Variants in KIF26B observed in about 807,000 individuals in gnomAD.
KIF26B encodes the protein kinesin-like protein KIF26B.
In KIF26B, 63 loss-of-function variants were observed where a neutral mutation model predicts 151.2. The observed-to-expected ratio is 0.42, with a 90% CI of 0.34 to 0.51. KIF26B has a LOEUF of 0.51. KIF26B is among the 20% of genes least tolerant of loss of function. The pLI, the probability that KIF26B is intolerant of heterozygous loss-of-function variation, is 0.07. For synonymous variants in KIF26B, 1,357 were observed against 1,262.1 expected (o/e 1.08, Z -1.59); for missense variants, 2,813 against 2,913.6 (o/e 0.97, Z 0.79).
chr1:245,412,023 T>G (rs1674299242), intron 3 of KIF26B, among the ~76,000 whole-genome samples: 1 of 152,222 alleles, frequency 6.6e-6, no homozygotes. Flanking sequence ...ACTTTCATAA[T>G]TTATATTTTA....
At chr1:245,640,501 C>T (rs890833379) in intron 9 of KIF26B, among the ~76,000 whole-genome samples, 1 of 151,868 alleles carries the variant, frequency 6.6e-6, no homozygotes, top group African/African-American at 2.4e-5. Context: ...AGAATTTAGT[C>T]CATATACATT....
At chr1:245,440,031 C>G (rs1442837057) in intron 4 of KIF26B, among the ~76,000 whole-genome samples, 2 of 152,106 alleles carry the variant, frequency 1.3e-5, no homozygotes, top group African/African-American at 4.8e-5. Flanking sequence ...ACCATCCTGG[C>G]TAACACGGTG....
intron 6 of KIF26B, among the ~76,000 whole-genome samples, chr1:245,603,058 G>T (rs1000096248): frequency 2.0e-5 from 3 of 151,838 alleles, no homozygotes; most frequent in Non-Finnish European, 4.4e-5. Flanking sequence ...GAAGCAGGAA[G>T]ATAACAGAAA....
chr1:245,395,576 C>T (rs1310892714), intron 3 of KIF26B, among the ~76,000 whole-genome samples: 2 of 152,086 alleles, frequency 1.3e-5, no homozygotes, highest in Non-Finnish European at 2.9e-5. Flanking sequence ...TGAGCCCAAG[C>T]GTGTGCCAGG....
intron 10 of KIF26B, among the ~76,000 whole-genome samples, chr1:245,672,452 A>G (rs2147942101): frequency 6.6e-6 from 1 of 152,338 alleles, no homozygotes; most frequent in Admixed American, 6.5e-5. Context: ...ATCCCTCCGG[A>G]CAGGGTGATG....
chr1:245,190,629 G>GTTTTTTTTTTTTTTTT lies in KIF26B; in HGVS notation c.465+33950_465+33951insTTTTTTTTTTTTTTTT, dbSNP rs768099890. On this transcript the variant is annotated intron_variant, in intron 2 of 14. Transcript: ENST00000407071. The stretch of plus-strand genomic sequence containing the variant: ...CTTTTCCTATAAGTTTTCCCTGAAT[G>GTTTTTTTTTTTTTTTT]TTTTGTTTTGTTTTTTTTTTTTTTT... Among the ~76,000 whole-genome samples the GTTTTTTTTTTTTTTTT allele has an allele frequency of 2.0e-4, 16 of 80,076 alleles. 1 individual carries two copies. The highest frequency in any genetic ancestry group is 6.8e-4 in the African/African-American group (16 of 23,682). The allele number at this position is 80,076 out of a possible 152,430, so 52.5% of individuals were successfully genotyped here. A position where few individuals can be genotyped will look rare whatever the true frequency, so the allele number is the denominator to read the frequency against.
Position 245,389,554 on chromosome 1 carries a change from C to T in KIF26B, c.999+22187C>T, listed in dbSNP as rs188837801. ...TAATAGGGATCCATAGCTTATAATG[C>T]ATCAACATTAAAAATGAAATTATAT... is the stretch of plus-strand genomic sequence containing the variant. On this transcript the variant is annotated intron_variant, in intron 3 of 14. Coordinates refer to ENST00000407071, the MANE Select transcript of KIF26B (RefSeq NM_018012.4). Among the ~76,000 whole-genome samples the T allele has an allele frequency of 3.3e-5, 5 of 152,276 alleles. No homozygotes were observed. In the East Asian group the frequency reaches 9.6e-4, roughly 29 times the overall value.
intron 2 of KIF26B, among the ~76,000 whole-genome samples, chr1:245,310,932 T>C (rs748100484): frequency 2.6e-5 from 4 of 152,120 alleles, no homozygotes; most frequent in Non-Finnish European, 4.4e-5. Flanking sequence ...AGCTCCCAAG[T>C]ATCAGAGCAG....
At chr1:245,640,143 C>CTATATATATATATATA (rs1166040223) in intron 9 of KIF26B, among the ~76,000 whole-genome samples, 3 of 31,916 alleles carry the variant, frequency 9.4e-5, no homozygotes, top group African/African-American at 2.8e-4. Context: ...CTCTCTCTCT[C>CTATATATATATATATA]TATATATATA....
At chr1:245,418,925 T>A (rs1658391190) in intron 3 of KIF26B, among the ~76,000 whole-genome samples, 1 of 152,216 alleles carries the variant, frequency 6.6e-6, no homozygotes, top group Admixed American at 6.5e-5. Context: ...ATAAAGGCAA[T>A]CATTTCGAAT....
At chr1:245,307,834 G>A (rs972190353) in intron 2 of KIF26B, among the ~76,000 whole-genome samples, 5 of 151,526 alleles carry the variant, frequency 3.3e-5, no homozygotes, top group African/African-American at 7.3e-5. Flanking sequence ...TCCGCCTCCC[G>A]GGTTCACGCA....
At chr1:245,477,007 G>A (rs905101669) in intron 4 of KIF26B, among the ~76,000 whole-genome samples, 1 of 151,772 alleles carries the variant, frequency 6.6e-6, no homozygotes, top group African/African-American at 2.4e-5. Context: ...AGAGGTCAAG[G>A]GTGGAAGTCT....
At chr1:245,535,572 T>C (rs1572111353) in intron 4 of KIF26B, among the ~76,000 whole-genome samples, 1 of 152,336 alleles carries the variant, frequency 6.6e-6, no homozygotes, top group Non-Finnish European at 1.5e-5. Flanking sequence ...AGCAGTTTTC[T>C]ACCCACCATT....
At chr1:245,226,524 G>A (rs551958081) in intron 2 of KIF26B, among the ~76,000 whole-genome samples, 219 of 151,772 alleles carry the variant, frequency 1.4e-3, no homozygotes, top group Non-Finnish European at 2.9e-3. Flanking sequence ...GTGCAATGGC[G>A]CGATCTCGGC....
intron 9 of KIF26B, among the ~76,000 whole-genome samples, chr1:245,619,370 T>C (rs1190110053): frequency 6.6e-6 from 1 of 152,236 alleles, no homozygotes; most frequent in Non-Finnish European, 1.5e-5. Context: ...GCTCTCGAAC[T>C]CCTGACCTCA....
chr1:245,495,847 AG>A lies in KIF26B; in HGVS notation c.1167-44918del. Among the ~76,000 whole-genome samples the A allele has an allele frequency of 6.6e-6, 1 of 152,362 alleles. No homozygotes were observed. Among genetic ancestry groups the A allele is most frequent in the East Asian group, 1.9e-4 (1 of 5,188 alleles). On this transcript the variant is annotated intron_variant, in intron 4 of 14. Coordinates refer to ENST00000407071, the MANE Select transcript of KIF26B (RefSeq NM_018012.4). This position sits in a 1 kb window ranked among gnomAD's most constrained non-coding sequence, Gnocchi z 4.2. The stretch of plus-strand genomic sequence containing the variant: ...TGAGAAAAAAATTCATTATTTTTAA[AG>A]GAGCAACACTAAGACAGTAACTCAT...
At chr1:245,212,387 G>C (rs78716917) in intron 2 of KIF26B, among the ~76,000 whole-genome samples, 1 of 152,158 alleles carries the variant, frequency 6.6e-6, no homozygotes, top group South Asian at 2.1e-4. Context: ...TCTCTCCCAC[G>C]TGATGGGCGC....
chr1:245,520,340 G>A (rs1196564959), intron 4 of KIF26B, among the ~76,000 whole-genome samples: 1 of 152,162 alleles, frequency 6.6e-6, no homozygotes, highest in African/African-American at 2.4e-5. Context: ...AGAGGCTTGG[G>A]AAAACACATG....
chr1:245,308,764 T>A (rs1671607930), intron 2 of KIF26B, among the ~76,000 whole-genome samples: 1 of 151,488 alleles, frequency 6.6e-6, no homozygotes, highest in Non-Finnish European at 1.5e-5. Flanking sequence ...AAAACATGAA[T>A]GGAACAAGAA....
Sources: gnomAD v4.1 joint callset for allele counts (sites outside exome capture counted in the v4.1 genomes callset) on GRCh38, gnomAD v4.1.1 for gene constraint, Gnocchi (gnomAD v3.1) non-coding constraint, MANE v1.5 for transcripts, NCBI Gene and HGNC (gene_info 2026-07-23, HGNC 2026-07-21) for gene names.